The following PTAR1 variants were observed in gnomAD, a reference collection of about 807,000 sequenced individuals.
PTAR1 encodes protein prenyltransferase alpha subunit repeat containing 1, also known as protein prenyltransferase alpha subunit repeat-containing protein 1.
In PTAR1, 17 loss-of-function variants were observed where a neutral mutation model predicts 45.5. The observed-to-expected ratio is 0.37, with a 90% CI of 0.26 to 0.56. PTAR1 has a LOEUF of 0.56. PTAR1 is among the 20% of genes least tolerant of loss of function. PTAR1 has a pLI of 0.77. For missense variants in PTAR1, 391 were observed against 476.3 expected (o/e 0.82, Z 1.67); for synonymous variants, 169 against 171.3 (o/e 0.99, Z 0.11).
At chr9:69,734,003 T>C (rs1825666797) in intron 4 of PTAR1, 147 bp downstream of exon 4, 2 of 569,430 alleles carry the variant, frequency 3.5e-6, no homozygotes, top group Non-Finnish European at 6.2e-6. Context: ...TAGCAAGTTA[T>C]ATAGCTCCTA....
chr9:69,753,837 A>G (rs973495436), intron 1 of PTAR1, among the ~76,000 whole-genome samples: 1 of 152,216 alleles, frequency 6.6e-6, no homozygotes, highest in African/African-American at 2.4e-5. Flanking sequence ...GAATTCGGCA[A>G]GTCACTTGCC....
intron 6 of PTAR1, among the ~76,000 whole-genome samples, chr9:69,722,612 T>C (rs1825064707): frequency 1.3e-5 from 2 of 151,274 alleles, no homozygotes; most frequent in African/African-American, 2.4e-5. Flanking sequence ...ATCCTGACTG[T>C]GCATCAATGT....
At chr9:69,741,477 C>T in intron 3 of PTAR1, 1 of 272,128 alleles carries the variant, frequency 3.7e-6, no homozygotes, top group Non-Finnish European at 7.2e-6. Context: ...ATGTTATATG[C>T]CTTATAAGCC....
chr9:69,738,809 A>ATTT (rs34148439), intron 3 of PTAR1, among the ~76,000 whole-genome samples: 12 of 137,084 alleles, frequency 8.8e-5, no homozygotes, highest in Non-Finnish European at 1.1e-4. Context: ...TAACACCTCA[A>ATTT]TTTTTTTTTT....
chr9:69,739,736 C>T (rs1350360677), intron 3 of PTAR1, among the ~76,000 whole-genome samples: 1 of 152,046 alleles, frequency 6.6e-6, no homozygotes, highest in East Asian at 1.9e-4. Context: ...CAAAATGTAC[C>T]TATGATTTGA....
rs906454756 is a variant in PTAR1, at chr9:69,712,693, T to C, written c.*5649A>G. On this transcript the variant is annotated 3_prime_UTR_variant, in exon 8 of 8. Transcript: ENST00000340434. ...GAAACTGAAGTCTTTGGAAGCAAAATAGTTGTCAATTTGAAAACCAACGGT... is the reference window on the plus strand; with the variant it reads ...GAAACTGAAGTCTTTGGAAGCAAAACAGTTGTCAATTTGAAAACCAACGGT... The C allele has an allele frequency of 2.0e-5, 3 of 152,122 alleles. No homozygotes were observed. Among genetic ancestry groups the C allele is most frequent in the Admixed American group, 6.6e-5 (1 of 15,252 alleles). 9.4% of individuals were successfully genotyped at this position (152,122 alleles called of 1,614,324 possible). A position where few individuals can be genotyped will look rare whatever the true frequency, so the allele number is the denominator to read the frequency against.
Position 69,723,635 on chromosome 9 carries a change from TAAG to T in PTAR1, c.643-8_643-6del. On this transcript the variant is annotated splice_polypyrimidine_tract_variant and splice_region_variant and intron_variant, in intron 5 of 7. Coordinates refer to ENST00000340434, the MANE Select transcript of PTAR1 (RefSeq NM_001099666.2). ...AGATAGTTCATCAAGAAGAATCTTT[TAAG>T]AAGAAAAAAGGGAAGTAAGAAGAAG... is the stretch of plus-strand genomic sequence containing the variant. 3 of 1,587,762 alleles carry T rather than the reference TAAG, an allele frequency of 1.9e-6. No homozygotes were observed. Among genetic ancestry groups the T allele is most frequent in the South Asian group, 1.1e-5 (1 of 87,366 alleles).
intron 6 of PTAR1, among the ~76,000 whole-genome samples, chr9:69,721,088 C>T (rs1824979211): frequency 6.6e-6 from 1 of 152,200 alleles, no homozygotes; most frequent in African/African-American, 2.4e-5. Flanking sequence ...AGTGATTCCT[C>T]TAATGGATCT....
intron 2 of PTAR1, among the ~76,000 whole-genome samples, chr9:69,749,831 ATTTATTCATCTT>A (rs1222613222): frequency 1.3e-5 from 2 of 152,154 alleles, no homozygotes; most frequent in Non-Finnish European, 2.9e-5. Context: ...GGGACCATGT[ATTTATTCATCTT>A]TTTATCCCCC....
chr9:69,746,122 C>T (rs555428608), intron 2 of PTAR1, among the ~76,000 whole-genome samples: 2 of 152,302 alleles, frequency 1.3e-5, no homozygotes, highest in East Asian at 1.9e-4. Flanking sequence ...TCAGACAAGA[C>T]TTCCTTCAGT....
chr9:69,718,542 C>T lies in PTAR1; in HGVS notation c.1009G>A (p.Glu337Lys). ...NAGSQLSQAM[E>K]VDGLNDSSKQ... ...CTAGAGTCATTCAGTCCATCTACTT[C>T]CATTGCTTGAGACAGCTGGGAGCCT... The change falls in exon 8 of 8, where the codon GAA (glutamate) becomes AAA (lysine). Residue 337 changes from glutamate (E) to lysine (K), a missense_variant. Transcript: ENST00000340434. The T allele has an allele frequency of 1.9e-6, 3 of 1,613,746 alleles. No individual in the cohort carries two copies. The highest frequency in any genetic ancestry group is 2.5e-6 in the Non-Finnish European group (3 of 1,179,716).
chr9:69,723,908 T>G (rs890570725), intron 5 of PTAR1, among the ~76,000 whole-genome samples: 4 of 152,220 alleles, frequency 2.6e-5, no homozygotes, highest in Non-Finnish European at 4.4e-5. Flanking sequence ...ACTCACATTC[T>G]GATTGGTACA....
At chr9:69,759,660 C>G (rs1826989164) in intron 1 of PTAR1, among the ~76,000 whole-genome samples, 193 bp downstream of exon 1, 2 of 152,172 alleles carry the variant, frequency 1.3e-5, no homozygotes, top group African/African-American at 4.8e-5. Flanking sequence ...CGACCGCGAG[C>G]GCGTCCCGGT....
At chr9:69,750,697 T>C (rs1347431713) in intron 2 of PTAR1, 84 bp downstream of exon 2, 3 of 947,444 alleles carry the variant, frequency 3.2e-6, no homozygotes, top group East Asian at 2.7e-5. Flanking sequence ...AATCCAGGAA[T>C]GCTGACACTC....
At position 69,716,039 on chromosome 9, in the gene PTAR1, G is replaced by A. The variant is rs1024572060; in HGVS notation, c.*2303C>T. 6.6e-6 allele frequency: 1 copy of A among 152,072 alleles called. No homozygotes were observed. Among genetic ancestry groups the A allele is most frequent in the Non-Finnish European group, 1.5e-5 (1 of 67,994 alleles). The allele number at this position is 152,072 out of a possible 1,614,324, so 9.4% of individuals were successfully genotyped here. ...AGATAATCAGTGGAAGGTACACAAA[G>A]GCATGGAGCACTATAAAACTTAGCT... On this transcript the variant is annotated 3_prime_UTR_variant, in exon 8 of 8. Coordinates refer to ENST00000340434, the MANE Select transcript of PTAR1 (RefSeq NM_001099666.2).
chr9:69,719,514 T>C (rs1190928279), intron 6 of PTAR1, among the ~76,000 whole-genome samples: 1 of 152,178 alleles, frequency 6.6e-6, no homozygotes, highest in Non-Finnish European at 1.5e-5. Flanking sequence ...TTTCCTTGCA[T>C]ATTCTGAAGC....
At chr9:69,756,256 C>G (rs1826771483) in intron 1 of PTAR1, among the ~76,000 whole-genome samples, 1 of 152,074 alleles carries the variant, frequency 6.6e-6, no homozygotes, top group Non-Finnish European at 1.5e-5. Flanking sequence ...TTTTCTTCAC[C>G]CCTCATGTCT....
chr9:69,724,082 T>C (rs1825152593), intron 5 of PTAR1, among the ~76,000 whole-genome samples: 1 of 152,160 alleles, frequency 6.6e-6, no homozygotes, highest in South Asian at 2.1e-4. Flanking sequence ...ATCTCTACAA[T>C]AGGCTCAGTG....
intron 2 of PTAR1, among the ~76,000 whole-genome samples, chr9:69,747,325 C>T (rs1275762360): frequency 6.6e-6 from 1 of 152,140 alleles, no homozygotes; most frequent in Non-Finnish European, 1.5e-5. Context: ...AAAAAGGCTT[C>T]ACAGTGTTAA....
Sources: gnomAD v4.1 joint callset for allele counts (sites outside exome capture counted in the v4.1 genomes callset) on GRCh38, gnomAD v4.1.1 for gene constraint, MANE v1.5 for transcripts, NCBI Gene and HGNC (gene_info 2026-07-23, HGNC 2026-07-21) for gene names.